Variants in APBA2 observed in about 807,000 individuals in gnomAD.
APBA2 encodes the protein amyloid beta precursor protein binding family A member 2.
APBA2 carries 30 observed loss-of-function variants against 75.0 expected under a neutral mutation model. The ratio of observed to expected loss-of-function variants is 0.40; its 90% confidence interval spans 0.30 to 0.54. APBA2 has a LOEUF of 0.54. Among genes scored for constraint, APBA2 ranks in the 20% least tolerant of loss-of-function variants. The pLI is 0.49. For synonymous variants in APBA2, 444 were observed against 409.6 expected, an observed-to-expected ratio of 1.08 and a Z score of -1.01; for missense variants, 801 against 1,016.1, an observed-to-expected ratio of 0.79 and a Z score of 2.88.
At chr15:28,908,067 G>A (rs1177808422) in intron 1 of APBA2, among the ~76,000 whole-genome samples, 1 of 152,200 alleles carries the variant, frequency 6.6e-6, no homozygotes, top group Non-Finnish European at 1.5e-5. Flanking sequence ...GTGAGTGCAG[G>A]CCTGTGCCCG....
chr15:28,978,485 G>A (rs969365374), intron 2 of APBA2, among the ~76,000 whole-genome samples: 3 of 152,262 alleles, frequency 2.0e-5, no homozygotes, highest in Admixed American at 6.5e-5. Flanking sequence ...TGGTAGGACA[G>A]AAGGAAGAGA....
intron 2 of APBA2, among the ~76,000 whole-genome samples, chr15:28,969,702 C>T (rs1310172487): frequency 6.6e-6 from 1 of 152,134 alleles, no homozygotes; most frequent in Admixed American, 6.5e-5. Flanking sequence ...GGTTTGCTGC[C>T]CGAGGGTCCT....
At chr15:28,924,889 A>C (rs907756492) in intron 2 of APBA2, among the ~76,000 whole-genome samples, 1 of 152,064 alleles carries the variant, frequency 6.6e-6, no homozygotes, top group Non-Finnish European at 1.5e-5. Context: ...CTGAATGAGG[A>C]TTCTCATTTT....
At chr15:28,933,017 T>C (rs1431519252) in intron 2 of APBA2, among the ~76,000 whole-genome samples, 1 of 152,046 alleles carries the variant, frequency 6.6e-6, no homozygotes, top group African/African-American at 2.4e-5. Flanking sequence ...CGTCCTAACA[T>C]GGTGGAAGGC....
intron 2 of APBA2, among the ~76,000 whole-genome samples, chr15:28,950,045 G>A (rs1005443452): frequency 2.6e-5 from 4 of 152,022 alleles, no homozygotes; most frequent in Non-Finnish European, 4.4e-5. Flanking sequence ...TAGTCCTTGC[G>A]TCTCCTTAGC....
At chr15:28,930,229 C>T (rs943417158) in intron 2 of APBA2, among the ~76,000 whole-genome samples, 5 of 152,066 alleles carry the variant, frequency 3.3e-5, no homozygotes, top group Non-Finnish European at 4.4e-5. Flanking sequence ...AGAAGAAGGC[C>T]CAGTTTCAGG....
chr15:28,913,074 A>T (rs999726395), intron 1 of APBA2, among the ~76,000 whole-genome samples: 1 of 152,254 alleles, frequency 6.6e-6, no homozygotes, highest in Non-Finnish European at 1.5e-5. Context: ...TCGTATATAA[A>T]GCAGCATGTG....
intron 2 of APBA2, among the ~76,000 whole-genome samples, chr15:28,953,642 T>C (rs887751736): frequency 1.3e-5 from 2 of 152,148 alleles, no homozygotes; most frequent in Non-Finnish European, 2.9e-5. Flanking sequence ...TGGTCAGCTC[T>C]CGGTCCCTTC....
At chr15:29,116,392 C>T (rs886776585) in intron 14 of APBA2, among the ~76,000 whole-genome samples, 3 of 151,916 alleles carry the variant, frequency 2.0e-5, no homozygotes, top group Non-Finnish European at 2.9e-5. Context: ...TTTGGGAGGC[C>T]GAGGCGGGCG....
intron 9 of APBA2, among the ~76,000 whole-genome samples, chr15:29,099,216 C>A (rs2044000544): frequency 6.6e-6 from 1 of 152,214 alleles, no homozygotes; most frequent in African/African-American, 2.4e-5. Context: ...CCCACCAACC[C>A]TCCGAGCCCC....
chr15:29,105,649 G>C (rs918898991), intron 11 of APBA2, 91 bp downstream of exon 11: 2 of 1,396,864 alleles, frequency 1.4e-6, no homozygotes, highest in Non-Finnish European at 2.0e-6. Context: ...GGGTCCTCAC[G>C]CACACCCTTG....
chr15:28,969,158 TTC>T (rs370510832), intron 2 of APBA2, among the ~76,000 whole-genome samples: 2 of 101,360 alleles, frequency 2.0e-5, no homozygotes, highest in East Asian at 5.3e-4. Context: ...CTTTCTTTCT[TTC>T]TTTCTTTCTT....
chr15:29,095,273 C>A (rs1281852480), intron 8 of APBA2, among the ~76,000 whole-genome samples: 1 of 151,902 alleles, frequency 6.6e-6, no homozygotes, highest in African/African-American at 2.4e-5. Context: ...ACTAAAAATA[C>A]AAAAAATTAG....
In APBA2 at chr15:29,005,864, A is replaced by AAAATAAATAAATAAAT. The variant is rs3054523; in HGVS notation, c.-41+10072_-41+10087dup. On this transcript the variant is annotated intron_variant, in intron 3 of 14. Coordinates refer to ENST00000683413, the MANE Select transcript of APBA2 (RefSeq NM_001353788.2). ...GGGCAACAGAGCGAGACTCTGTCTCAAAATAAATAAATAAATAAATAAATA... is the reference window on the plus strand; with the variant it reads ...GGGCAACAGAGCGAGACTCTGTCTCAAAATAAATAAATAAATAAATAAATAAATAAATAAATAAATA... Among the ~76,000 whole-genome samples, 393 of 151,436 alleles carry AAAATAAATAAATAAAT rather than the reference A, an allele frequency of 2.6e-3. 1 individual carries two copies. The highest frequency in any genetic ancestry group is 9.2e-3 in the African/African-American group (376 of 40,972).
At position 29,098,483 on chromosome 15, in the gene APBA2, T is replaced by C. The variant is rs1237365740; in HGVS notation, c.1252-7T>C. On this transcript the variant is annotated splice_region_variant and splice_polypyrimidine_tract_variant and intron_variant, in intron 8 of 14. Coordinates refer to ENST00000683413, the MANE Select transcript of APBA2 (RefSeq NM_001353788.2). ...TGGACTTTAACAATATCCACTGTCC[T>C]TCTTAGAATTCTGAGGGGGATGCCC... 4 of 1,611,510 alleles carry C rather than the reference T, an allele frequency of 2.5e-6. No individual in the cohort carries two copies. In the Admixed American group the frequency reaches 6.7e-5, roughly 27 times the overall value.
chr15:29,030,112 C>A (rs2040413251), intron 3 of APBA2, among the ~76,000 whole-genome samples: 1 of 152,168 alleles, frequency 6.6e-6, no homozygotes, highest in African/African-American at 2.4e-5. Context: ...CCGTTTTCCT[C>A]CAGCAATGTT....
intron 3 of APBA2, among the ~76,000 whole-genome samples, chr15:29,034,587 A>G (rs2040650634): frequency 6.6e-6 from 1 of 152,316 alleles, no homozygotes; most frequent in African/African-American, 2.4e-5. Flanking sequence ...GGAAGGGTGT[A>G]TGCATGCTAT....
chr15:29,050,615 T>A lies in APBA2; in HGVS notation c.-40-3230T>A, dbSNP rs185226611. ...TACAATGTCCTCAGTGTTTTCATTT[T>A]TGAAAACTTGAATAACATTTTAATA... On this transcript the variant is annotated intron_variant, in intron 3 of 14. Transcript: ENST00000683413. Among the ~76,000 whole-genome samples the A allele has an allele frequency of 1.1e-4, 16 of 152,326 alleles. No homozygotes were observed. In the East Asian group the frequency reaches 2.7e-3, roughly 26 times the overall value.
chr15:29,040,210 A>G (rs762468874), intron 3 of APBA2, among the ~76,000 whole-genome samples: 1 of 152,214 alleles, frequency 6.6e-6, no homozygotes, highest in African/African-American at 2.4e-5. Flanking sequence ...CGGTTGTTGC[A>G]TAAAGGTGGT....
Sources: gnomAD v4.1 joint callset for allele counts (sites outside exome capture counted in the v4.1 genomes callset) on GRCh38, gnomAD v4.1.1 for gene constraint, MANE v1.5 for transcripts, NCBI Gene and HGNC (gene_info 2026-07-23, HGNC 2026-07-21) for gene names.